ABCB7: variants seen among roughly 807,000 people sequenced by gnomAD.
ABCB7 encodes iron-sulfur clusters transporter ABCB7, mitochondrial.
A neutral mutation model predicts 54.4 loss-of-function variants in ABCB7; 7 were observed. The ratio of observed to expected loss-of-function variants is 0.13; its 90% confidence interval spans 0.07 to 0.24. The LOEUF (loss-of-function observed/expected upper bound fraction) is 0.24. Among genes scored for constraint, ABCB7 ranks in the 10% least tolerant of loss-of-function variants. ABCB7 has a pLI of 1.00. For missense variants in ABCB7, 356 were observed against 570.4 expected, an observed-to-expected ratio of 0.62 and a Z score of 3.83; for synonymous variants, 218 against 207.1, an observed-to-expected ratio of 1.05 and a Z score of -0.45.
chrX:75,137,213 G>A (rs749885795), intron 1 of ABCB7, among the ~76,000 whole-genome samples: 13 of 111,952 alleles, frequency 1.2e-4, no homozygotes, highest in East Asian at 2.8e-4. Flanking sequence ...TTAAAAATGC[G>A]CAAAGGACAT....
intron 1 of ABCB7, among the ~76,000 whole-genome samples, chrX:75,128,019 C>T (rs1295888366): frequency 8.9e-6 from 1 of 111,895 alleles, no homozygotes; most frequent in Non-Finnish European, 1.9e-5. Context: ...AATGGCTATA[C>T]TGCCCAAAGT....
chrX:75,125,953 G>A (rs1341830627), intron 1 of ABCB7, among the ~76,000 whole-genome samples: 1 of 110,846 alleles, frequency 9.0e-6, no homozygotes, highest in Admixed American at 9.6e-5. Context: ...TTTTCTAAAA[G>A]TACCCACTTT....
chrX:75,075,280 A>C lies in ABCB7; in HGVS notation c.855+82T>G. 2.7e-6 allele frequency: 3 copies of C among 1,096,816 alleles called. No homozygotes were observed. The South Asian group carries it at 5.9e-5, about 22-fold the overall frequency. 90.4% of individuals were successfully genotyped at this position (1,096,816 alleles called of 1,213,427 possible). A position where few individuals can be genotyped will look rare whatever the true frequency, so the allele number is the denominator to read the frequency against. Reference sequence around the variant, plus strand: ...TTTGCTTTCAAGCCCATGGGCATGCAACAGTACAACAGCTTCAAATATTCA... The same window carrying C: ...TTTGCTTTCAAGCCCATGGGCATGCCACAGTACAACAGCTTCAAATATTCA... On this transcript the variant is annotated intron_variant, in intron 6 of 15. Transcript: ENST00000373394.
At chrX:75,079,320 C>G (rs1216470726) in intron 4 of ABCB7, among the ~76,000 whole-genome samples, 1 of 110,996 alleles carries the variant, frequency 9.0e-6, no homozygotes, top group Non-Finnish European at 1.9e-5. Context: ...GAAAGAAATA[C>G]ACCAAAGAAA....
chrX:75,062,328 C>G lies in ABCB7; in HGVS notation c.1935G>C (p.Glu645Asp), dbSNP rs1395198164. 2 of 1,197,050 alleles carry G rather than the reference C, an allele frequency of 1.7e-6. No individual in the cohort carries two copies. Among genetic ancestry groups the G allele is most frequent in the Non-Finnish European group, 2.3e-6 (2 of 883,674 alleles). The change falls in exon 14 of 16, where the codon GAG becomes GAC. Residue 645 changes from glutamate to aspartate, a missense_variant and splice_region_variant. By Grantham distance (45) the Glu-to-Asp change is conservative. This residue lies in a region of ABCB7 where 241 missense variants were observed against 470.9 expected (regional missense o/e 0.51). Transcript: ENST00000373394. ...GCTTTATATTTTAATCATAACTTAC[C>G]TCTTCAGTAATCGAATCTAACGATG... ...ATSSLDSITE[E>D]TILGAMKDVV...
At chrX:75,059,575 T>C (rs1389993397) in intron 15 of ABCB7, among the ~76,000 whole-genome samples, 7 of 110,938 alleles carry the variant, frequency 6.3e-5, no homozygotes, top group African/African-American at 9.8e-5. Context: ...TGCATAATGT[T>C]AGAAATAATC....
intron 2 of ABCB7, among the ~76,000 whole-genome samples, chrX:75,114,292 T>A: frequency 8.9e-6 from 1 of 112,117 alleles, no homozygotes; most frequent in South Asian, 3.7e-4. Flanking sequence ...TGAGAATTTT[T>A]AAAGATGTCT....
rs781779232 is a variant in ABCB7, at chrX:75,114,813, T to G, written c.187A>C (p.Ser63Arg). 5 of 1,199,742 alleles carry G rather than the reference T, an allele frequency of 4.2e-6. No homozygotes were observed. The highest frequency in any genetic ancestry group is 5.6e-6 in the Non-Finnish European group (5 of 887,409). ...TTTCCCAATCTCTGCCATGTGATAC[T>G]TTTTAATGACTCTGGAATCTGCTGA... is the stretch of plus-strand genomic sequence containing the variant. ...RAYQIPESLKSITWQRLGKGN... is the reference protein window; with the variant it reads ...RAYQIPESLKRITWQRLGKGN... The change falls in exon 2 of 16, where the codon AGT becomes CGT. Residue 63 changes from serine to arginine, a missense_variant. By Grantham distance (110) the Ser-to-Arg change is moderately radical (BLOSUM62 -1). This residue lies in a region of ABCB7 where 115 missense variants were observed against 99.5 expected (regional missense o/e 1.16). Coordinates refer to ENST00000373394, the MANE Select transcript of ABCB7 (RefSeq NM_001271696.3).
At chrX:75,120,901 G>T (rs143201984) in intron 1 of ABCB7, among the ~76,000 whole-genome samples, 3,072 of 110,407 alleles carry the variant, frequency 0.028, 45 homozygotes, top group Middle Eastern at 0.088. Context: ...CAACTGATAG[G>T]CATTTGAGGG....
chrX:75,082,752 T>C (rs1020613069), intron 4 of ABCB7, among the ~76,000 whole-genome samples: 4 of 107,553 alleles, frequency 3.7e-5, no homozygotes, highest in Non-Finnish European at 7.6e-5. Context: ...TAGTAAAATA[T>C]TGATCCTAAG....
At chrX:75,071,481 G>A (rs1304620876) in intron 9 of ABCB7, 28 bp downstream of exon 9, 1 of 1,205,024 alleles carries the variant, frequency 8.3e-7, no homozygotes, top group South Asian at 1.8e-5. Flanking sequence ...TGAACAGCCT[G>A]TAAATGTGAT....
chrX:75,129,576 C>A (rs1218868216), intron 1 of ABCB7, among the ~76,000 whole-genome samples: 1 of 107,369 alleles, frequency 9.3e-6, no homozygotes, highest in Non-Finnish European at 1.9e-5. Flanking sequence ...GCACGTGTAT[C>A]CCAGAACTTA....
At chrX:75,117,086 A>T (rs770389842) in intron 1 of ABCB7, among the ~76,000 whole-genome samples, 1 of 111,508 alleles carries the variant, frequency 9.0e-6, no homozygotes, top group East Asian at 2.8e-4. Context: ...CCATTCTTTT[A>T]TTCCTTTACT....
At chrX:75,091,614 C>T (rs1305390279) in intron 4 of ABCB7, among the ~76,000 whole-genome samples, 1 of 109,280 alleles carries the variant, frequency 9.2e-6, no homozygotes, top group Non-Finnish European at 1.9e-5. Flanking sequence ...ATTCATTCTA[C>T]AAAGGACAAA....
intron 1 of ABCB7, among the ~76,000 whole-genome samples, chrX:75,124,939 A>T (rs780618339): frequency 8.9e-6 from 1 of 111,752 alleles, no homozygotes; most frequent in Admixed American, 9.5e-5. Context: ...TTAATACCGA[A>T]ATTGCTTGCT....
rs1259801167 is a variant in ABCB7 at position 75,052,206 on chromosome X, C to G, written c.*1164G>C. On this transcript the variant is annotated 3_prime_UTR_variant, in exon 16 of 16. Transcript: ENST00000373394. ...TAGCGGCCGGGTGCGGTGGCTCAAG[C>G]CTGTAATCCCAGCACTTTGGGAGGC... The G allele has an allele frequency of 1.8e-5, 2 of 111,449 alleles. No individual in the cohort carries two copies. The highest frequency in any genetic ancestry group is 5.6e-4 in the East Asian group (2 of 3,553). 9.2% of individuals were successfully genotyped at this position (111,449 alleles called of 1,213,427 possible).
intron 4 of ABCB7, among the ~76,000 whole-genome samples, chrX:75,097,014 T>C (rs113879218): frequency 1.4e-3 from 161 of 111,722 alleles, no homozygotes; most frequent in African/African-American, 5.1e-3. Context: ...TTTAGGTCTA[T>C]CACCACTTGA....
Position 75,073,683 on chromosome X carries a change from T to C in ABCB7, c.1032+6A>G. ...AGGCAGAGGAAAGTATAATTAAACA[T>C]ATTACCTTCACAGTTTCATAATTCA... On this transcript the variant is annotated splice_donor_region_variant and intron_variant, in intron 8 of 15. Transcript: ENST00000373394. 1 of 1,171,238 alleles carries C rather than the reference T, an allele frequency of 8.5e-7. No homozygotes were observed. Among genetic ancestry groups the C allele is most frequent in the Non-Finnish European group, 1.2e-6 (1 of 859,299 alleles).
At chrX:75,115,790 G>T (rs1040901732) in intron 1 of ABCB7, among the ~76,000 whole-genome samples, 24 of 107,538 alleles carry the variant, frequency 2.2e-4, no homozygotes, top group African/African-American at 5.8e-4. Flanking sequence ...GTGTGTTGGG[G>T]GGGGGGGCAC....
Sources: gnomAD v4.1 joint callset for allele counts (sites outside exome capture counted in the v4.1 genomes callset) on GRCh38, gnomAD v4.1.1 for gene constraint, gnomAD v4.1.1 regional missense constraint, MANE v1.5 for transcripts, NCBI Gene and HGNC (gene_info 2026-07-23, HGNC 2026-07-21) for gene names.